The following MTMR6 variants were observed in gnomAD, a reference collection of about 807,000 sequenced individuals.
The protein encoded by MTMR6 is phosphatidylinositol-3,5-bisphosphate 3-phosphatase MTMR6.
In MTMR6, 47 loss-of-function variants were observed where a neutral mutation model predicts 80.1. The observed-to-expected ratio is 0.59, with a 90% CI of 0.46 to 0.75. The LOEUF is 0.75. MTMR6 is among the 30% of genes least tolerant of loss of function. The probability of loss-of-function intolerance (pLI) is 0.00; values close to 1 mark genes in which losing one functional copy is unlikely to be tolerated. For synonymous variants in MTMR6, 254 were observed against 253.0 expected, an observed-to-expected ratio of 1.00 and a Z score of -0.04; for missense variants, 629 against 730.9, an observed-to-expected ratio of 0.86 and a Z score of 1.61.
rs1394234742 is a variant in MTMR6 at position 25,249,474 on chromosome 13, T to C, written c.1624A>G (p.Asn542Asp). The C allele has an allele frequency of 6.2e-7, 1 of 1,612,416 alleles. No individual in the cohort carries two copies. ...DLESKIKQRK[N>D]KQTDGILTKE... ...GTGAGGATGCCATCTGTTTGCTTAT[T>C]TTTGCGTTGTTTAATTTTCTAGAAC... Residue 542 changes from asparagine (N) to aspartate (D), a missense_variant, in exon 14 of 14, where the codon AAT becomes GAT. By Grantham distance (23) the Asn-to-Asp change is conservative. Transcript: ENST00000381801.
chr13:25,275,583 C>T (rs932651395), intron 1 of MTMR6, among the ~76,000 whole-genome samples: 1 of 151,576 alleles, frequency 6.6e-6, no homozygotes, highest in African/African-American at 2.4e-5. Context: ...TCATTACCGC[C>T]GGGTGTGGTG....
chr13:25,274,052 C>T lies in MTMR6; in HGVS notation c.141+19G>A, dbSNP rs777373985. On this transcript the variant is annotated intron_variant, in intron 2 of 13. Coordinates refer to ENST00000381801, the MANE Select transcript of MTMR6 (RefSeq NM_004685.5). ...TCCATTATTATTATGATAAATAGTA[C>T]AGCTGCGGTCCTCCTTACCCAGGTT... The T allele has an allele frequency of 5.8e-6, 8 of 1,369,014 alleles. No homozygotes were observed. The East Asian group carries it at 1.1e-4, about 20-fold the overall frequency. The allele number at this position is 1,369,014 out of a possible 1,614,324, so 84.8% of individuals were successfully genotyped here.
At chr13:25,279,038 AATCTATCTGT>A (rs1957786635) in intron 1 of MTMR6, among the ~76,000 whole-genome samples, 2 of 152,230 alleles carry the variant, frequency 1.3e-5, no homozygotes, top group African/African-American at 4.8e-5. Context: ...ACTAAGGGCC[AATCTATCTGT>A]ATCTCATTTC....
At chr13:25,261,908 T>C (rs1053340326) in intron 5 of MTMR6, 106 bp from the exon 6 acceptor site, 2 of 1,030,320 alleles carry the variant, frequency 1.9e-6, no homozygotes, top group Non-Finnish European at 2.7e-6. Flanking sequence ...AATATGATAA[T>C]TAGGAGGCAT....
intron 10 of MTMR6, 139 bp downstream of exon 10, chr13:25,254,246 T>G: frequency 1.4e-6 from 1 of 722,090 alleles, no homozygotes; most frequent in East Asian, 2.7e-5. Context: ...ATTAAATGTC[T>G]TTACGTAAAA....
chr13:25,259,451 A>C (rs994098562), intron 6 of MTMR6, among the ~76,000 whole-genome samples: 3 of 152,210 alleles, frequency 2.0e-5, no homozygotes, highest in Non-Finnish European at 4.4e-5. Flanking sequence ...ACGAAGCCTA[A>C]ATTAGAAGAA....
chr13:25,276,111 C>A (rs566037702), intron 1 of MTMR6, among the ~76,000 whole-genome samples: 5 of 152,214 alleles, frequency 3.3e-5, no homozygotes, highest in African/African-American at 1.2e-4. Context: ...CTTCATTGTG[C>A]GTGACTTGGC....
intron 5 of MTMR6, 88 bp downstream of exon 5, chr13:25,265,731 C>CAAAAAA: frequency 8.2e-7 from 1 of 1,214,866 alleles, no homozygotes; most frequent in Non-Finnish European, 1.1e-6. Flanking sequence ...GACCCTATCT[C>CAAAAAA]AAAAAAAAAA....
chr13:25,260,760 T>C, intron 6 of MTMR6: 2 of 653,294 alleles, frequency 3.1e-6, no homozygotes, highest in Admixed American at 4.6e-5. Context: ...CAGGATCCTA[T>C]ATGAACTGGT....
intron 1 of MTMR6, among the ~76,000 whole-genome samples, chr13:25,274,611 C>G (rs1160293766): frequency 1.3e-5 from 2 of 152,034 alleles, no homozygotes; most frequent in Admixed American, 1.3e-4. Context: ...GTTGCCAACT[C>G]CAACTTAGTC....
chr13:25,261,328 A>G (rs2137549597), intron 6 of MTMR6, among the ~76,000 whole-genome samples: 1 of 150,430 alleles, frequency 6.6e-6, no homozygotes, highest in East Asian at 1.9e-4. Flanking sequence ...AAAAAAAAAA[A>G]AAAAAGAATA....
intron 1 of MTMR6, among the ~76,000 whole-genome samples, chr13:25,274,493 C>T (rs1261350486): frequency 1.6e-4 from 24 of 151,468 alleles, no homozygotes; most frequent in Admixed American, 1.5e-3. Flanking sequence ...TTTTTCATAC[C>T]CAAGAGTCAA....
chr13:25,282,569 C>T (rs1957875616), intron 1 of MTMR6, among the ~76,000 whole-genome samples: 1 of 151,776 alleles, frequency 6.6e-6, no homozygotes, highest in Admixed American at 6.6e-5. Context: ...GGCTTCTCCT[C>T]CTCTGCTTGC....
Position 25,287,456 on chromosome 13 carries a change from G to C in MTMR6, c.-209C>G. The C allele has an allele frequency of 3.3e-6, 2 of 615,036 alleles. No individual in the cohort carries two copies. Among genetic ancestry groups the C allele is most frequent in the East Asian group, 5.7e-5 (2 of 35,004 alleles). The allele number at this position is 615,036 out of a possible 1,614,324, so 38.1% of individuals were successfully genotyped here. ...ACTTCCCCAAACCCCGCGGCCTCCCGGGGGACTCGGGGCAGGCAGACAGAG... is the reference window on the plus strand; with the variant it reads ...ACTTCCCCAAACCCCGCGGCCTCCCCGGGGACTCGGGGCAGGCAGACAGAG... On this transcript the variant is annotated 5_prime_UTR_variant, in exon 1 of 14. Coordinates refer to ENST00000381801, the MANE Select transcript of MTMR6 (RefSeq NM_004685.5).
rs1480717724 is a variant in MTMR6 at position 25,247,732 on chromosome 13, AAAAT to A, written c.*1496_*1499del. The A allele has an allele frequency of 7.9e-5, 12 of 152,198 alleles. No homozygotes were observed. Among genetic ancestry groups the A allele is most frequent in the Non-Finnish European group, 5.9e-5 (4 of 67,994 alleles). The allele number at this position is 152,198 out of a possible 1,614,324, so 9.4% of individuals were successfully genotyped here. On this transcript the variant is annotated 3_prime_UTR_variant, in exon 14 of 14. Coordinates refer to ENST00000381801, the MANE Select transcript of MTMR6 (RefSeq NM_004685.5). ...TAATGTATTACAGAAAAGCATTGGA[AAAAT>A]AAACAGGATAAGATAAGCTCTCATA...
Position 25,253,805 on chromosome 13 carries a change from T to G in MTMR6, c.1305A>C (p.Gly435=). ...CCTTCTGACAATTTCCAAGGAAGTT[T>G]CCAAACTGGCATGAATGAATATGCT... is the stretch of plus-strand genomic sequence containing the variant. ...IHEHIHSCQF[G]NFLGNCQKER... The change falls in exon 11 of 14, where the codon GGA becomes GGC. Residue 435 remains glycine (G), a synonymous_variant. Coordinates refer to ENST00000381801, the MANE Select transcript of MTMR6 (RefSeq NM_004685.5). The G allele has an allele frequency of 5.6e-6, 9 of 1,614,154 alleles. No homozygotes were observed. Among genetic ancestry groups the G allele is most frequent in the Non-Finnish European group, 7.6e-6 (9 of 1,179,992 alleles).
At chr13:25,268,075 T>A in intron 2 of MTMR6, 134 bp from the exon 3 acceptor site, 1 of 806,658 alleles carries the variant, frequency 1.2e-6, no homozygotes, top group Non-Finnish European at 1.9e-6. Flanking sequence ...TTCACGTTTT[T>A]AAAATGACTG....
At position 25,267,779 on chromosome 13, in the gene MTMR6, C is replaced by T; in HGVS notation, c.304G>A (p.Ala102Thr). The T allele has an allele frequency of 1.2e-6, 2 of 1,611,642 alleles. No individual in the cohort carries two copies. Among genetic ancestry groups the T allele is most frequent in the Non-Finnish European group, 1.7e-6 (2 of 1,178,698 alleles). ...AAGCTTTGGTCTCTAAGAACAATAC[C>T]TTGTTTTGACAGTTGTAGCAAAGAG... ...YNSLLQLSKQ[A>T]KYEDLYAFSY... Residue 102 changes from alanine to threonine, a missense_variant and splice_region_variant, in exon 3 of 14, where the codon GCA (alanine) becomes ACA (threonine). By Grantham distance (58) the Ala-to-Thr change is moderately conservative. Coordinates refer to ENST00000381801, the MANE Select transcript of MTMR6 (RefSeq NM_004685.5).
chr13:25,274,973 C>CACACACACACACACAG (rs1566042757), intron 1 of MTMR6, among the ~76,000 whole-genome samples: 2 of 138,944 alleles, frequency 1.4e-5, no homozygotes, highest in African/African-American at 3.0e-5. Flanking sequence ...CACACACACA[C>CACACACACACACACAG]ACACACACAC....
Sources: gnomAD v4.1 joint callset for allele counts (sites outside exome capture counted in the v4.1 genomes callset) on GRCh38, gnomAD v4.1.1 for gene constraint, MANE v1.5 for transcripts, NCBI Gene and HGNC (gene_info 2026-07-23, HGNC 2026-07-21) for gene names.